The following PBLD variants were observed in gnomAD, a reference collection of about 807,000 sequenced individuals.
The protein encoded by PBLD is phenazine biosynthesis-like domain-containing protein.
A neutral mutation model predicts 31.3 loss-of-function variants in PBLD; 26 were observed. That is an observed-to-expected ratio of 0.83 (90% CI 0.61 to 1.15). The LOEUF (loss-of-function observed/expected upper bound fraction) is 1.15. Among genes scored for constraint, PBLD ranks in the 50% most tolerant of loss-of-function variants. The pLI is 0.00. For missense variants in PBLD, 307 were observed against 351.7 expected (o/e 0.87, Z 1.02); for synonymous variants, 114 against 129.0 (o/e 0.88, Z 0.79).
chr10:68,311,765 A>AG (rs914937802), intron 1 of PBLD, among the ~76,000 whole-genome samples: 10 of 151,994 alleles, frequency 6.6e-5, no homozygotes, highest in African/African-American at 2.4e-4. Context: ...AAAAAAAAAA[A>AG]AAAAAAAGAA....
chr10:68,291,110 GA>G, intron 6 of PBLD, among the ~76,000 whole-genome samples: 1 of 152,292 alleles, frequency 6.6e-6, no homozygotes, highest in South Asian at 2.1e-4. Context: ...CTAAGCTACA[GA>G]ATCATTTTTC....
intron 9 of PBLD, chr10:68,285,066 A>G (rs913068151): frequency 2.5e-5 from 32 of 1,274,124 alleles, no homozygotes; most frequent in African/African-American, 4.6e-5. Context: ...CACATTATAA[A>G]TAACCTCTCT....
At chr10:68,322,611 C>T (rs936680365) in intron 1 of PBLD, among the ~76,000 whole-genome samples, 2 of 151,172 alleles carry the variant, frequency 1.3e-5, no homozygotes, top group Non-Finnish European at 2.9e-5. Context: ...CTGCAATAAG[C>T]CATGATTGTA....
chr10:68,296,171 A>T, intron 4 of PBLD, 95 bp downstream of exon 4: 1 of 903,156 alleles, frequency 1.1e-6, no homozygotes, highest in Non-Finnish European at 1.7e-6. Context: ...TCTTTATACC[A>T]GTCACTTTGG....
intron 8 of PBLD, chr10:68,287,544 C>T (rs2044304250): frequency 6.6e-6 from 1 of 152,360 alleles, no homozygotes; most frequent in African/African-American, 2.4e-5. Context: ...AACAGGAGCC[C>T]TGAAGGGTCT....
chr10:68,325,073 G>C (rs1290599750), intron 1 of PBLD, among the ~76,000 whole-genome samples: 2 of 151,802 alleles, frequency 1.3e-5, no homozygotes, highest in Non-Finnish European at 2.9e-5. Context: ...GTGAAACCCT[G>C]TTTCTACTGA....
chr10:68,284,596 T>C (rs1236842513), intron 9 of PBLD, among the ~76,000 whole-genome samples: 1 of 152,130 alleles, frequency 6.6e-6, no homozygotes, highest in Non-Finnish European at 1.5e-5. Flanking sequence ...CTTCCCCTGC[T>C]CTCTCTAGGA....
intron 9 of PBLD, chr10:68,285,009 T>C (rs2044269086): frequency 4.4e-6 from 5 of 1,145,388 alleles, no homozygotes; most frequent in African/African-American, 1.6e-5. Context: ...ATCCTGTGAC[T>C]AGCAATAGCA....
At chr10:68,315,790 G>A (rs954679367) in intron 1 of PBLD, among the ~76,000 whole-genome samples, 3 of 152,140 alleles carry the variant, frequency 2.0e-5, no homozygotes, top group Non-Finnish European at 2.9e-5. Flanking sequence ...CTGGCTGAGT[G>A]TCAAGGGTGT....
At chr10:68,285,314 A>G (rs1159766245) in intron 9 of PBLD, 34 bp downstream of exon 9, 2 of 1,613,940 alleles carry the variant, frequency 1.2e-6, no homozygotes, top group African/African-American at 2.7e-5. Context: ...CGAATTAGGC[A>G]AATAAAAAAG....
At chr10:68,285,180 C>T (rs2305083) in intron 9 of PBLD, 168 bp downstream of exon 9, 7 of 1,460,740 alleles carry the variant, frequency 4.8e-6, no homozygotes, top group Non-Finnish European at 4.5e-6. Context: ...GAGGTGAAGG[C>T]TGTTTGGGGT....
At position 68,327,043 on chromosome 10, in the gene PBLD, T is replaced by C. The variant is rs559182526; in HGVS notation, c.-60+5741A>G. Among the ~76,000 whole-genome samples, 27 of 151,692 alleles carry C rather than the reference T, an allele frequency of 1.8e-4. No homozygotes were observed. The South Asian group carries it at 5.6e-3, about 32-fold the overall frequency. ...GTCTGGCGACAGAGCGAGACTCCACTACAAAACAACAACAACAACAATAAA... is the reference window on the plus strand; with the variant it reads ...GTCTGGCGACAGAGCGAGACTCCACCACAAAACAACAACAACAACAATAAA... On this transcript the variant is annotated intron_variant, in intron 1 of 9. Transcript: ENST00000358769.
Position 68,306,896 on chromosome 10 carries a change from T to C in PBLD, c.-52A>G. On this transcript the variant is annotated 5_prime_UTR_variant, in exon 2 of 10. Coordinates refer to ENST00000358769, the MANE Select transcript of PBLD (RefSeq NM_022129.4). The stretch of plus-strand genomic sequence containing the variant: ...TCTCAAAATTGCTGGTAGCCTGCTT[T>C]ACGTCTTCTTCTTGGAAAAGGAAAT... 1.4e-6 allele frequency: 2 copies of C among 1,394,726 alleles called. No homozygotes were observed. The highest frequency in any genetic ancestry group is 2.0e-6 in the Non-Finnish European group (2 of 989,948). 86.4% of individuals were successfully genotyped at this position (1,394,726 alleles called of 1,614,324 possible). A position where few individuals can be genotyped will look rare whatever the true frequency, so the allele number is the denominator to read the frequency against.
chr10:68,284,701 C>A (rs185904036), intron 9 of PBLD, among the ~76,000 whole-genome samples: 123 of 152,350 alleles, frequency 8.1e-4, no homozygotes, highest in African/African-American at 2.9e-3. Flanking sequence ...CCCCCATCTT[C>A]TCAGCTCTGA....
Position 68,296,999 on chromosome 10 carries a change from A to C in PBLD, c.85-14T>G, listed in dbSNP as rs2044438882. On this transcript the variant is annotated splice_polypyrimidine_tract_variant and intron_variant, in intron 2 of 9. Transcript: ENST00000358769. The stretch of plus-strand genomic sequence containing the variant: ...TTCATCCAATTCCTTAATTAGAAAC[A>C]GACGATCATTGAGGTTTCAAAAACA... 1 of 1,587,560 alleles carries C rather than the reference A, an allele frequency of 6.3e-7. No homozygotes were observed. The highest frequency in any genetic ancestry group is 8.6e-7 in the Non-Finnish European group (1 of 1,156,114).
At chr10:68,289,098 T>C in intron 6 of PBLD, 79 bp from the exon 7 acceptor site, 2 of 1,052,510 alleles carry the variant, frequency 1.9e-6, no homozygotes, top group Non-Finnish European at 2.9e-6. Flanking sequence ...AAATGACCTC[T>C]CATTGAGCAT....
chr10:68,293,846 G>C (rs1465152411), intron 4 of PBLD, among the ~76,000 whole-genome samples: 2 of 147,798 alleles, frequency 1.4e-5, no homozygotes, highest in South Asian at 2.2e-4. Context: ...GTGGTGGCAG[G>C]CACCTGTAAT....
chr10:68,322,904 TAA>T (rs989476282), intron 1 of PBLD, among the ~76,000 whole-genome samples: 2 of 149,480 alleles, frequency 1.3e-5, no homozygotes, highest in African/African-American at 2.5e-5. Context: ...CTGGCTAACT[TAA>T]AAAAAAAATT....
At chr10:68,329,312 C>CAAGA (rs2044975139) in intron 1 of PBLD, among the ~76,000 whole-genome samples, 1 of 152,122 alleles carries the variant, frequency 6.6e-6, no homozygotes, top group Admixed American at 6.5e-5. Flanking sequence ...TTATGGCAAG[C>CAAGA]AAGCAAGCAA....
Sources: allele counts gnomAD v4.1 joint callset (sites outside exome capture counted in the v4.1 genomes callset), GRCh38; gene constraint gnomAD v4.1.1; transcripts MANE v1.5; gene names NCBI Gene and HGNC (gene_info 2026-07-23, HGNC 2026-07-21).